The following RPS9 variants were observed in gnomAD, a reference collection of about 807,000 sequenced individuals.
The protein encoded by RPS9 is ribosomal protein S9.
A neutral mutation model predicts 16.9 loss-of-function variants in RPS9; 1 was observed. The ratio of observed to expected loss-of-function variants is 0.06; its 90% CI spans 0.02 to 0.28. RPS9 has a LOEUF of 0.28. RPS9 is among the 10% of genes least tolerant of loss of function. The probability of loss-of-function intolerance (pLI) is 1.00; values close to 1 mark genes in which losing one functional copy is unlikely to be tolerated. For synonymous variants in RPS9, 106 were observed against 110.9 expected, an observed-to-expected ratio of 0.96 and a Z score of 0.28; for missense variants, 137 against 273.2, an observed-to-expected ratio of 0.50 and a Z score of 3.51.
chr19:54,204,549 T>TACCACCATGC lies in RPS9; in HGVS notation c.221-1726_221-1717dup, dbSNP rs2077177297. On this transcript the variant is annotated intron_variant, in intron 3 of 4. Coordinates refer to ENST00000302907, the MANE Select transcript of RPS9 (RefSeq NM_001013.4). The stretch of plus-strand genomic sequence containing the variant: ...GTAGCTGGGACCACAATCCACCATG[T>TACCACCATGC]ACCACCATGCCCGGCTAATTTAGTT... 4.6e-5 allele frequency among the ~76,000 whole-genome samples: 7 copies of TACCACCATGC among 152,296 alleles called. No homozygotes were observed. The South Asian group carries it at 1.4e-3, about 32-fold the overall frequency.
intron 4 of RPS9, chr19:54,206,716 G>A (rs1343494338): frequency 6.7e-7 from 1 of 1,500,172 alleles, no homozygotes. Context: ...CATGTGGGCA[G>A]CTGGACAGGT....
chr19:54,202,374 G>A (rs986973886), intron 3 of RPS9: 2 of 943,514 alleles, frequency 2.1e-6, no homozygotes, highest in Non-Finnish European at 1.3e-6. Flanking sequence ...TAGTGGAGAT[G>A]GGTTTTCACC....
chr19:54,202,877 A>G (rs879495142), intron 3 of RPS9: 1 of 985,212 alleles, frequency 1.0e-6, no homozygotes, highest in Non-Finnish European at 1.2e-6. Context: ...CTTTTTCTTT[A>G]AATAGGCACA....
chr19:54,203,075 T>G (rs1399514957), intron 3 of RPS9: 5 of 985,122 alleles, frequency 5.1e-6, no homozygotes, highest in Non-Finnish European at 6.0e-6. Context: ...CCATAGATAC[T>G]GATGCTGGGT....
At chr19:54,205,442 A>G (rs1383959409) in intron 3 of RPS9, among the ~76,000 whole-genome samples, 1 of 151,772 alleles carries the variant, frequency 6.6e-6, no homozygotes, top group Non-Finnish European at 1.5e-5. Context: ...ACAGAATAGT[A>G]AAATGAATGA....
At chr19:54,200,955 T>A in intron 1 of RPS9, 67 bp downstream of exon 1, 1 of 1,413,782 alleles carries the variant, frequency 7.1e-7, no homozygotes, top group African/African-American at 1.4e-5. Flanking sequence ...CTTCCGAGTT[T>A]CCATGAGTAA....
At chr19:54,201,668 C>T (rs1476100106) in intron 3 of RPS9, 59 bp downstream of exon 3, 4 of 1,601,318 alleles carry the variant, frequency 2.5e-6, no homozygotes, top group Non-Finnish European at 1.7e-6. Flanking sequence ...GTTCATTCTC[C>T]CTTCTGTTGC....
intron 3 of RPS9, chr19:54,203,015 A>C: frequency 1.0e-6 from 1 of 984,606 alleles, no homozygotes; most frequent in Non-Finnish European, 1.2e-6. Flanking sequence ...TCTTTTCGTC[A>C]ATTTGTAGAC....
intron 3 of RPS9, chr19:54,202,586 A>C: frequency 8.1e-6 from 8 of 984,794 alleles, no homozygotes; most frequent in Non-Finnish European, 9.6e-6. Flanking sequence ...TTGAAAATGT[A>C]CCATCTTAAC....
chr19:54,201,461 C>G lies in RPS9; in HGVS notation c.98-26C>G, dbSNP rs201777050. On this transcript the variant is annotated intron_variant, in intron 2 of 4. Coordinates refer to ENST00000302907, the MANE Select transcript of RPS9 (RefSeq NM_001013.4). ...TGTTGTGCCAGTACGTGGGACTACA[C>G]TTGTCCACCCCCTTCTCCCCACCAG... The G allele has an allele frequency of 1.9e-5, 30 of 1,613,826 alleles. No homozygotes were observed. The East Asian group carries it at 6.2e-4, about 34-fold the overall frequency.
rs1309000513 is a variant in RPS9, at chr19:54,207,636, A to G, written c.*61A>G. The G allele has an allele frequency of 3.5e-6, 5 of 1,442,110 alleles. No individual in the cohort carries two copies. The East Asian group carries it at 7.4e-5, about 21-fold the overall frequency. 89.3% of individuals were successfully genotyped at this position (1,442,110 alleles called of 1,614,324 possible). On this transcript the variant is annotated 3_prime_UTR_variant, in exon 5 of 5. Transcript: ENST00000302907. The stretch of plus-strand genomic sequence containing the variant: ...GTTTTCCTGCCAAATAAACAGGATC[A>G]GCGCTTTACAATTGGTGTGTGGGGG...
Position 54,207,561 on chromosome 19 carries a change from G to T in RPS9, c.571G>T (p.Glu191Ter). ...GGGTGGGGCTGGGGCTGGAGACGAC[G>T]AGGAGGAGGATTAAGTCCACCTGTC... is the stretch of plus-strand genomic sequence containing the variant. ...GQGGAGAGDD[E>*]EED The change falls in exon 5 of 5, where the codon GAG (glutamate) becomes TAG (stop). Residue 191 changes from glutamate to a stop codon, truncating the protein, a stop_gained. Coordinates refer to ENST00000302907, the MANE Select transcript of RPS9 (RefSeq NM_001013.4). LOFTEE classifies it high-confidence loss of function. 1.2e-6 allele frequency: 2 copies of T among 1,610,262 alleles called. No homozygotes were observed. Among genetic ancestry groups the T allele is most frequent in the Non-Finnish European group, 8.5e-7 (1 of 1,178,950 alleles).
intron 4 of RPS9, 118 bp downstream of exon 4, chr19:54,206,580 C>A: frequency 6.4e-7 from 1 of 1,555,346 alleles, no homozygotes; most frequent in Non-Finnish European, 8.7e-7. Flanking sequence ...TGTGAACTCA[C>A]CCAGAGGGTA....
At chr19:54,201,955 G>T in intron 3 of RPS9, 1 of 279,174 alleles carries the variant, frequency 3.6e-6, no homozygotes, top group South Asian at 9.6e-5. Context: ...GAATTTCTGG[G>T]CTAAGTGATG....
At chr19:54,200,960 G>A in intron 1 of RPS9, 72 bp downstream of exon 1, 1 of 1,412,454 alleles carries the variant, frequency 7.1e-7, no homozygotes, top group South Asian at 1.5e-5. Context: ...GAGTTTCCAT[G>A]AGTAAGCTAA....
At position 54,207,535 on chromosome 19, in the gene RPS9, A is replaced by T; in HGVS notation, c.545A>T (p.Gln182Leu). The T allele has an allele frequency of 1.9e-6, 3 of 1,612,506 alleles. No individual in the cohort carries two copies. The highest frequency in any genetic ancestry group is 2.5e-6 in the Non-Finnish European group (3 of 1,179,950). The change falls in exon 5 of 5, where the codon CAG becomes CTG. Residue 182 changes from glutamine (Q) to leucine (L), a missense_variant. Gln to Leu is a moderately radical substitution (Grantham distance 113). Transcript: ENST00000302907. ...RVKRKNAKKG[Q>L]GGAGAGDDEE... Reference sequence around the variant, plus strand: ...AAGAGGAAGAATGCCAAGAAGGGCCAGGGTGGGGCTGGGGCTGGAGACGAC... The same window carrying T: ...AAGAGGAAGAATGCCAAGAAGGGCCTGGGTGGGGCTGGGGCTGGAGACGAC...
chr19:54,206,053 C>G (rs1464550071), intron 3 of RPS9, among the ~76,000 whole-genome samples: 1 of 152,222 alleles, frequency 6.6e-6, no homozygotes, highest in Non-Finnish European at 1.5e-5. Flanking sequence ...CTCCTGACCT[C>G]AAGTGATCCG....
chr19:54,206,155 G>A (rs1172613982), intron 3 of RPS9, 121 bp from the exon 4 acceptor site: 10 of 929,234 alleles, frequency 1.1e-5, no homozygotes, highest in Non-Finnish European at 1.6e-5. Context: ...CACGGTGATG[G>A]CGCTGTACTA....
Position 54,207,173 on chromosome 19 carries a change from C to A in RPS9, c.408-225C>A, listed in dbSNP as rs1310183924. On this transcript the variant is annotated intron_variant, in intron 4 of 4. Transcript: ENST00000302907. ...TAGGTGGGATACTTTCGGATTTCTC[C>A]TATAAAATGGGGTTGAGAAAGTCAT... is the stretch of plus-strand genomic sequence containing the variant. 4 of 541,998 alleles carry A rather than the reference C, an allele frequency of 7.4e-6. No individual in the cohort carries two copies. The African/African-American group carries it at 7.6e-5, about 10-fold the overall frequency. 33.6% of individuals were successfully genotyped at this position (541,998 alleles called of 1,614,324 possible).
Sources: allele counts gnomAD v4.1 joint callset (sites outside exome capture counted in the v4.1 genomes callset), GRCh38; gene constraint gnomAD v4.1.1; transcripts MANE v1.5; gene names NCBI Gene and HGNC (gene_info 2026-07-23, HGNC 2026-07-21).